Variants in UNC13C observed in about 807,000 individuals in gnomAD.
UNC13C encodes the protein unc-13 homolog C.
UNC13C carries 174 observed loss-of-function variants against 245.4 expected under a neutral mutation model. The ratio of observed to expected loss-of-function variants is 0.71; its 90% CI spans 0.63 to 0.80. The LOEUF is 0.80. Ranked by LOEUF, UNC13C falls within the 30% of genes least tolerant of loss-of-function variation. UNC13C has a pLI of 0.00. For missense variants in UNC13C, 2,829 were observed against 2,602.9 expected (o/e 1.09, Z -1.89); for synonymous variants, 992 against 895.1 (o/e 1.11, Z -1.93).
intron 2 of UNC13C, among the ~76,000 whole-genome samples, chr15:54,129,258 T>A (rs370123793): frequency 3.9e-5 from 6 of 152,212 alleles, no homozygotes. Flanking sequence ...TGCGTACATA[T>A]GTACATACAT....
At chr15:54,068,738 A>T (rs1898183509) in intron 2 of UNC13C, among the ~76,000 whole-genome samples, 1 of 152,220 alleles carries the variant, frequency 6.6e-6, no homozygotes, top group Non-Finnish European at 1.5e-5. Flanking sequence ...AATACCATGG[A>T]TGAACACATA....
rs773545757 is a variant in UNC13C at position 54,013,759 on chromosome 15, A to G, written c.856A>G (p.Ser286Gly). ...EISSSVEVVQ[S>G]EIEQLRTGFV... Reference sequence around the variant, plus strand: ...CTCCAGCAGTGTGGAGGTTGTACAAAGTGAAATTGAGCAGTTGCGCACAGG... The same window carrying G: ...CTCCAGCAGTGTGGAGGTTGTACAAGGTGAAATTGAGCAGTTGCGCACAGG... Residue 286 changes from serine to glycine, a missense_variant, in exon 2 of 33, where the codon AGT becomes GGT. By Grantham distance (56) the Ser-to-Gly change is moderately conservative. Transcript: ENST00000260323. The G allele has an allele frequency of 6.8e-6, 11 of 1,611,040 alleles. No individual in the cohort carries two copies. Among genetic ancestry groups the G allele is most frequent in the Non-Finnish European group, 8.5e-6 (10 of 1,178,664 alleles).
chr15:54,002,584 C>T (rs961808609), intron 1 of UNC13C, among the ~76,000 whole-genome samples: 1 of 152,110 alleles, frequency 6.6e-6, no homozygotes, highest in African/African-American at 2.4e-5. Context: ...GGACAGAAGA[C>T]GTGAGAAACA....
chr15:54,595,742 C>A (rs1373875069), intron 30 of UNC13C, among the ~76,000 whole-genome samples: 2 of 152,308 alleles, frequency 1.3e-5, no homozygotes, highest in East Asian at 3.9e-4. Context: ...GATGCAATTG[C>A]ATGAAAGTTT....
chr15:54,345,297 A>C (rs1345734254), intron 17 of UNC13C, among the ~76,000 whole-genome samples: 1 of 152,248 alleles, frequency 6.6e-6, no homozygotes, highest in Non-Finnish European at 1.5e-5. Flanking sequence ...ATACAGTAAG[A>C]AATTATAGGT....
chr15:54,016,129 C>T lies in UNC13C; in HGVS notation c.2983+243C>T, dbSNP rs117678159. On this transcript the variant is annotated intron_variant, in intron 2 of 32. Coordinates refer to ENST00000260323, the MANE Select transcript of UNC13C (RefSeq NM_001080534.3). ...GAATGAGCCCAAACTTAACCCAACA[C>T]ATTGTGGATCAGATTTCTCTGCTAA... Among the ~76,000 whole-genome samples, 85 of 152,274 alleles carry T rather than the reference C, an allele frequency of 5.6e-4. No homozygotes were observed. In the East Asian group the frequency reaches 0.015, roughly 26 times the overall value.
chr15:53,852,274 T>G, the UNC13C span, among the ~76,000 whole-genome samples: 121 of 152,278 alleles, frequency 7.9e-4, no homozygotes, highest in African/African-American at 2.8e-3. Flanking sequence ...ATTGGATTGT[T>G]GAGTAAGAGA....
intron 4 of UNC13C, among the ~76,000 whole-genome samples, chr15:54,151,167 G>A (rs72746017): frequency 0.044 from 6,677 of 152,046 alleles, 216 homozygotes; most frequent in South Asian, 0.12. Context: ...CCCCATCTTC[G>A]GGTAATATTA....
At chr15:53,891,184 T>C in the UNC13C span, among the ~76,000 whole-genome samples, 1 of 152,210 alleles carries the variant, frequency 6.6e-6, no homozygotes, top group Non-Finnish European at 1.5e-5. Flanking sequence ...TGAGTGAGTT[T>C]CTTAATCCTG....
At chr15:54,473,232 A>T (rs902693797) in intron 19 of UNC13C, among the ~76,000 whole-genome samples, 1 of 149,696 alleles carries the variant, frequency 6.7e-6, no homozygotes, top group Non-Finnish European at 1.5e-5. Flanking sequence ...TATTTTATTG[A>T]TACATAATAA....
the UNC13C span, among the ~76,000 whole-genome samples, chr15:53,875,664 A>T: frequency 1.5e-3 from 225 of 152,296 alleles, 11 homozygotes; most frequent in South Asian, 0.045. Context: ...GGGGCCAGGT[A>T]AGAAATTAAT....
At chr15:54,625,409 A>G (rs1384611788) in intron 32 of UNC13C, among the ~76,000 whole-genome samples, 1 of 152,148 alleles carries the variant, frequency 6.6e-6, no homozygotes, top group South Asian at 2.1e-4. Flanking sequence ...ATCAAAGATG[A>G]TCCCTAAGTT....
At chr15:54,144,895 A>G (rs1370560031) in intron 4 of UNC13C, among the ~76,000 whole-genome samples, 3 of 151,976 alleles carry the variant, frequency 2.0e-5, no homozygotes, top group Admixed American at 6.6e-5. Flanking sequence ...ATATTCATAT[A>G]TACCTCTTTA....
At chr15:53,999,556 G>C (rs1005632402) in intron 1 of UNC13C, among the ~76,000 whole-genome samples, 1 of 151,542 alleles carries the variant, frequency 6.6e-6, no homozygotes, top group Admixed American at 6.6e-5. Flanking sequence ...CTGGGTTTTT[G>C]TCATTGACTT....
chr15:54,461,000 T>C (rs1425845631), intron 19 of UNC13C, among the ~76,000 whole-genome samples: 1 of 152,196 alleles, frequency 6.6e-6, no homozygotes, highest in Non-Finnish European at 1.5e-5. Context: ...GTTTGTTGAC[T>C]AATTTTATTT....
At chr15:54,335,839 T>C (rs879899939) in intron 16 of UNC13C, among the ~76,000 whole-genome samples, 1 of 152,124 alleles carries the variant, frequency 6.6e-6, no homozygotes, top group Non-Finnish European at 1.5e-5. Flanking sequence ...GGGATTATAG[T>C]TGTAAACATA....
chr15:54,505,936 A>T (rs550541156), intron 22 of UNC13C, among the ~76,000 whole-genome samples: 1 of 152,174 alleles, frequency 6.6e-6, no homozygotes, highest in East Asian at 1.9e-4. Context: ...TTTTCCTATG[A>T]AGTAGACTCA....
At chr15:54,475,460 C>T (rs1285001400) in intron 19 of UNC13C, among the ~76,000 whole-genome samples, 1 of 151,604 alleles carries the variant, frequency 6.6e-6, no homozygotes, top group Non-Finnish European at 1.5e-5. Context: ...CTCCCCTCTC[C>T]CCCCACCCCA....
chr15:54,252,141 A>G (rs1480041935), intron 8 of UNC13C, among the ~76,000 whole-genome samples: 1 of 152,180 alleles, frequency 6.6e-6, no homozygotes, highest in Non-Finnish European at 1.5e-5. Flanking sequence ...TATTAGGGCA[A>G]TGACATTTAA....
Sources: allele counts gnomAD v4.1 joint callset (sites outside exome capture counted in the v4.1 genomes callset), GRCh38; gene constraint gnomAD v4.1.1; transcripts MANE v1.5; gene names NCBI Gene and HGNC (gene_info 2026-07-23, HGNC 2026-07-21).